MDFIC2: variants seen among roughly 807,000 people sequenced by gnomAD.
The protein encoded by MDFIC2 is myoD family inhibitor domain-containing protein 2.
At chr3:70,272,949 A>T (rs1436226799) in intron 2 of MDFIC2, among the ~76,000 whole-genome samples, 1 of 152,214 alleles carries the variant, frequency 6.6e-6, no homozygotes, top group African/African-American at 2.4e-5. Flanking sequence ...AGTCATTTAC[A>T]GCCCTGTGCA....
At chr3:70,268,138 A>G (rs539341777) in intron 2 of MDFIC2, among the ~76,000 whole-genome samples, 1 of 151,960 alleles carries the variant, frequency 6.6e-6, no homozygotes, top group South Asian at 2.1e-4. Context: ...GAGATATCGC[A>G]TATACTCCTG....
At chr3:70,231,499 C>A (rs1701559890) in intron 2 of MDFIC2, among the ~76,000 whole-genome samples, 1 of 152,226 alleles carries the variant, frequency 6.6e-6, no homozygotes, top group South Asian at 2.1e-4. Context: ...ACTCTTCAAA[C>A]TGACAGAACA....
chr3:70,285,905 G>T (rs1021192665), intron 2 of MDFIC2, among the ~76,000 whole-genome samples: 1 of 151,354 alleles, frequency 6.6e-6, no homozygotes, highest in Non-Finnish European at 1.5e-5. Flanking sequence ...TGATGGGGTT[G>T]TTTGTTTTTT....
At chr3:70,220,149 G>T (rs1261288454) in intron 2 of MDFIC2, among the ~76,000 whole-genome samples, 1 of 152,118 alleles carries the variant, frequency 6.6e-6, no homozygotes, top group South Asian at 2.1e-4. Flanking sequence ...AAACAGTGGT[G>T]AGATGTATTA....
chr3:70,276,492 A>C (rs1236467939), intron 2 of MDFIC2, among the ~76,000 whole-genome samples: 1 of 152,184 alleles, frequency 6.6e-6, no homozygotes, highest in Non-Finnish European at 1.5e-5. Flanking sequence ...TGTCCAGTGA[A>C]TTATACGAAA....
intron 2 of MDFIC2, among the ~76,000 whole-genome samples, chr3:70,235,346 G>A (rs1701597316): frequency 6.6e-6 from 1 of 151,936 alleles, no homozygotes; most frequent in African/African-American, 2.4e-5. Flanking sequence ...AATTCCTCTG[G>A]GTAGTCCTTA....
rs562512247 is a variant in MDFIC2 at position 70,273,647 on chromosome 3, A to C, written c.88+38239T>G. Among the ~76,000 whole-genome samples the C allele has an allele frequency of 3.3e-5, 5 of 152,356 alleles. No homozygotes were observed. In the East Asian group the frequency reaches 9.6e-4, roughly 29 times the overall value. ...TGACAGTATCAAAGGAGGAAAAGGC[A>C]AGGTACAGATGGACTTGGCACACAT... On this transcript the variant is annotated intron_variant, in intron 2 of 3. Transcript: ENST00000567252.
At chr3:70,254,177 A>G (rs1701794422) in intron 2 of MDFIC2, among the ~76,000 whole-genome samples, 1 of 152,128 alleles carries the variant, frequency 6.6e-6, no homozygotes, top group Non-Finnish European at 1.5e-5. Context: ...GCTAACTAGT[A>G]ATGATAAAAC....
chr3:70,265,488 T>C (rs999248931), intron 2 of MDFIC2, among the ~76,000 whole-genome samples: 16 of 140,954 alleles, frequency 1.1e-4, no homozygotes, highest in African/African-American at 3.8e-4. Flanking sequence ...GCTACCTCCA[T>C]ACTCCCTGCA....
At chr3:70,212,601 T>C (rs906690180) in intron 2 of MDFIC2, among the ~76,000 whole-genome samples, 1 of 152,144 alleles carries the variant, frequency 6.6e-6, no homozygotes, top group South Asian at 2.1e-4. Flanking sequence ...ATCTGGACTC[T>C]TTTTCAGCAG....
At chr3:70,267,597 T>TTTTTC (rs1701931148) in intron 2 of MDFIC2, among the ~76,000 whole-genome samples, 1 of 148,024 alleles carries the variant, frequency 6.8e-6, no homozygotes, top group Non-Finnish European at 1.5e-5. Flanking sequence ...TTTTTTTTTT[T>TTTTTC]AGTAAAGACG....
intron 2 of MDFIC2, among the ~76,000 whole-genome samples, chr3:70,245,658 T>C (rs892065752): frequency 6.5e-4 from 90 of 137,444 alleles, no homozygotes; most frequent in African/African-American, 2.1e-3. Flanking sequence ...GCATAACGTT[T>C]TTGCAAACTG....
chr3:70,199,727 T>G (rs184544031), intron 3 of MDFIC2, among the ~76,000 whole-genome samples: 4 of 152,316 alleles, frequency 2.6e-5, no homozygotes, highest in Non-Finnish European at 5.9e-5. Context: ...GATTTCCTCT[T>G]GTCCTGAATG....
At chr3:70,302,235 C>T (rs1559558536) in intron 2 of MDFIC2, among the ~76,000 whole-genome samples, 1 of 152,096 alleles carries the variant, frequency 6.6e-6, no homozygotes, top group African/African-American at 2.4e-5. Flanking sequence ...TTCATTTGCT[C>T]TGTTCACATT....
chr3:70,206,743 C>G lies in MDFIC2; in HGVS notation c.136G>C (p.Ala46Pro). Residue 46 changes from alanine (A) to proline (P), a missense_variant, in exon 3 of 4, where the codon GCT (alanine) becomes CCT (proline). Transcript: ENST00000567252. ...AKHADEKPINAIVINSVSDFN... is the reference protein window; with the variant it reads ...AKHADEKPINPIVINSVSDFN... ...TCAGATACTGAATTTATAACAATAG[C>G]ATTAATGGGTTTCTCATCTGCATGC... 1 of 397,778 alleles carries G rather than the reference C, an allele frequency of 2.5e-6. No homozygotes were observed. Among genetic ancestry groups the G allele is most frequent in the East Asian group, 3.6e-5 (1 of 28,030 alleles). 24.6% of individuals were successfully genotyped at this position (397,778 alleles called of 1,614,324 possible). A position where few individuals can be genotyped will look rare whatever the true frequency, so the allele number is the denominator to read the frequency against.
chr3:70,279,047 C>A (rs1211101424), intron 2 of MDFIC2, among the ~76,000 whole-genome samples: 2 of 150,432 alleles, frequency 1.3e-5, no homozygotes, highest in African/African-American at 2.4e-5. Flanking sequence ...CCTTGTCAAG[C>A]TTTCTCCCTT....
chr3:70,215,991 A>G (rs1425236461), intron 2 of MDFIC2, among the ~76,000 whole-genome samples: 1 of 152,100 alleles, frequency 6.6e-6, no homozygotes, highest in Non-Finnish European at 1.5e-5. Context: ...TTTGAATGCA[A>G]CATTTGCATT....
chr3:70,295,109 C>G (rs1374143956), intron 2 of MDFIC2, among the ~76,000 whole-genome samples: 1 of 152,086 alleles, frequency 6.6e-6, no homozygotes, highest in Non-Finnish European at 1.5e-5. Flanking sequence ...TGGGTTAAAC[C>G]AGTCAGAATT....
intron 2 of MDFIC2, among the ~76,000 whole-genome samples, chr3:70,226,168 T>G (rs1425873115): frequency 3.3e-5 from 5 of 152,192 alleles, no homozygotes; most frequent in African/African-American, 1.2e-4. Flanking sequence ...AGCATTTCCT[T>G]CACTCATTCG....
Sources: gnomAD v4.1 joint callset for allele counts (sites outside exome capture counted in the v4.1 genomes callset) on GRCh38, gnomAD v4.1.1 for gene constraint, MANE v1.5 for transcripts, NCBI Gene and HGNC (gene_info 2026-07-23, HGNC 2026-07-21) for gene names.